Variants in CNOT6 observed in about 807,000 individuals in gnomAD.
CNOT6 encodes CCR4-NOT transcription complex subunit 6, also known as carbon catabolite repression 4 protein.
In CNOT6, 12 loss-of-function variants were observed where a neutral mutation model predicts 61.2. The ratio of observed to expected loss-of-function variants is 0.20; its 90% CI spans 0.13 to 0.32. CNOT6 has a LOEUF of 0.32. Ranked by LOEUF, CNOT6 falls within the 10% of genes least tolerant of loss-of-function variation. The probability of loss-of-function intolerance (pLI) is 1.00; values close to 1 mark genes in which losing one functional copy is unlikely to be tolerated. For missense variants in CNOT6, 405 were observed against 663.9 expected (o/e 0.61, Z 4.28); for synonymous variants, 225 against 240.6 (o/e 0.94, Z 0.60).
At chr5:180,497,439 G>A (rs187573307) in intron 1 of CNOT6, among the ~76,000 whole-genome samples, 49 of 152,146 alleles carry the variant, frequency 3.2e-4, no homozygotes, top group Non-Finnish European at 4.3e-4. Flanking sequence ...AACAGAAAAG[G>A]ATAATATATG....
intron 4 of CNOT6, among the ~76,000 whole-genome samples, chr5:180,556,829 G>T (rs1459336897): frequency 6.6e-6 from 1 of 152,174 alleles, no homozygotes; most frequent in African/African-American, 2.4e-5. Flanking sequence ...GGTGGCAGGT[G>T]CCTGTAGTCC....
At chr5:180,516,587 C>T (rs575304335) in intron 1 of CNOT6, among the ~76,000 whole-genome samples, 4 of 152,256 alleles carry the variant, frequency 2.6e-5, no homozygotes, top group African/African-American at 9.6e-5. Flanking sequence ...AATAGTTAAA[C>T]GTCTGAGAGG....
chr5:180,543,569 T>C (rs1444095166), intron 2 of CNOT6, among the ~76,000 whole-genome samples: 1 of 152,202 alleles, frequency 6.6e-6, no homozygotes. Flanking sequence ...ACAATATATG[T>C]CTTAGCATAC....
At chr5:180,526,255 A>G (rs942673518) in intron 1 of CNOT6, among the ~76,000 whole-genome samples, 10 of 152,192 alleles carry the variant, frequency 6.6e-5, no homozygotes, top group Non-Finnish European at 1.2e-4. Context: ...GGAGCGAGAA[A>G]TGAACTTAAG....
intron 1 of CNOT6, among the ~76,000 whole-genome samples, chr5:180,511,211 C>A (rs1757375195): frequency 2.6e-5 from 4 of 152,106 alleles, no homozygotes; most frequent in Admixed American, 1.3e-4. Flanking sequence ...GGCACAGTGG[C>A]TCGCGCCTGT....
intron 10 of CNOT6, among the ~76,000 whole-genome samples, chr5:180,569,576 G>A (rs1055094150): frequency 6.6e-6 from 1 of 152,138 alleles, no homozygotes; most frequent in African/African-American, 2.4e-5. Context: ...AAGCAATAAC[G>A]TGAAATAACT....
rs184203674 is a variant in CNOT6, at chr5:180,501,243, C to T, written c.-3+6480C>T. ...TTTACGTCCTGTGAGAGCTCAAGTA[C>T]ATCAGCATAGGGGATAGAAAAGCAC... On this transcript the variant is annotated intron_variant, in intron 1 of 11. Coordinates refer to ENST00000261951, the MANE Select transcript of CNOT6 (RefSeq NM_001370472.1). Among the ~76,000 whole-genome samples the T allele has an allele frequency of 5.3e-3, 808 of 152,216 alleles. 10 individuals carry two copies. Among genetic ancestry groups the T allele is most frequent in the African/African-American group, 0.018 (767 of 41,528 alleles).
At chr5:180,538,686 G>GTATATATA (rs59342527) in intron 2 of CNOT6, among the ~76,000 whole-genome samples, 949 of 84,934 alleles carry the variant, frequency 0.011, 14 homozygotes, top group African/African-American at 0.03. Context: ...TGAGAAAAAG[G>GTATATATA]TATATATATA....
intron 4 of CNOT6, among the ~76,000 whole-genome samples, chr5:180,555,416 C>A (rs746550149): frequency 2.0e-5 from 3 of 152,138 alleles, no homozygotes; most frequent in Non-Finnish European, 4.4e-5. Context: ...CTTGCTTTTC[C>A]ATTTCAGATG....
At chr5:180,498,364 T>C (rs567794974) in intron 1 of CNOT6, among the ~76,000 whole-genome samples, 9 of 152,228 alleles carry the variant, frequency 5.9e-5, no homozygotes, top group Non-Finnish European at 1.2e-4. Context: ...TGTATAGGCT[T>C]CATAGGTGCA....
chr5:180,538,684 A>T (rs1758843596), intron 2 of CNOT6, among the ~76,000 whole-genome samples: 1 of 35,602 alleles, frequency 2.8e-5, no homozygotes. Context: ...TCTGAGAAAA[A>T]GGTATATATA....
intron 1 of CNOT6, among the ~76,000 whole-genome samples, chr5:180,514,045 A>G (rs1487123058): frequency 6.6e-6 from 1 of 151,638 alleles, no homozygotes; most frequent in Non-Finnish European, 1.5e-5. Flanking sequence ...TATGTTGCCC[A>G]GGCTGGTTTC....
intron 10 of CNOT6, 71 bp from the exon 11 acceptor site, chr5:180,571,159 T>C (rs1202607769): frequency 2.8e-6 from 3 of 1,066,150 alleles, no homozygotes; most frequent in Non-Finnish European, 2.8e-6. Context: ...TAAAACTTCT[T>C]ACTATTGCAT....
intron 1 of CNOT6, among the ~76,000 whole-genome samples, chr5:180,515,110 G>A (rs894905284): frequency 1.3e-5 from 2 of 152,038 alleles, no homozygotes; most frequent in Non-Finnish European, 2.9e-5. Context: ...AAAGAGATTA[G>A]CATGTATTGA....
chr5:180,497,958 G>A (rs777702184), intron 1 of CNOT6, among the ~76,000 whole-genome samples: 3 of 151,576 alleles, frequency 2.0e-5, no homozygotes, highest in Middle Eastern at 6.8e-3. Flanking sequence ...CAGGAGAATC[G>A]CTTGAACCTG....
Position 180,578,252 on chromosome 5 carries a change from T to C in CNOT6, c.*4052T>C, listed in dbSNP as rs988321060. 1 of 152,676 alleles carries C rather than the reference T, an allele frequency of 6.5e-6. No individual in the cohort carries two copies. Among genetic ancestry groups the C allele is most frequent in the Non-Finnish European group, 1.5e-5 (1 of 68,048 alleles). 9.5% of individuals were successfully genotyped at this position (152,676 alleles called of 1,614,324 possible). A position where few individuals can be genotyped will look rare whatever the true frequency, so the allele number is the denominator to read the frequency against. ...GTCCTTTTGCATTTAGGATTTTCGT[T>C]GTTGTTACCTTATACCTCATGATAT... On this transcript the variant is annotated 3_prime_UTR_variant, in exon 12 of 12. Transcript: ENST00000261951.
intron 11 of CNOT6, among the ~76,000 whole-genome samples, chr5:180,571,810 A>G (rs1223546268): frequency 2.0e-5 from 3 of 151,978 alleles, no homozygotes; most frequent in African/African-American, 7.2e-5. Flanking sequence ...TGATTCTTCC[A>G]CCTCAGCCTC....
At chr5:180,515,518 T>C (rs1037743399) in intron 1 of CNOT6, among the ~76,000 whole-genome samples, 2 of 152,194 alleles carry the variant, frequency 1.3e-5, no homozygotes, top group Admixed American at 6.5e-5. Flanking sequence ...GGCAGGGCCA[T>C]CTAAAGTTTT....
Position 180,546,145 on chromosome 5 carries a change from C to T in CNOT6, c.113-3786C>T, listed in dbSNP as rs370242472. Among the ~76,000 whole-genome samples the T allele has an allele frequency of 1.8e-4, 27 of 152,230 alleles. No individual in the cohort carries two copies. The South Asian group carries it at 3.1e-3, about 18-fold the overall frequency. ...TCCTGACCTCATGATCCACCCGCCT[C>T]GGCCTCCCAAAGTGCTGGGATTACA... On this transcript the variant is annotated intron_variant, in intron 2 of 11. Transcript: ENST00000261951.
Sources: gnomAD v4.1 joint callset for allele counts (sites outside exome capture counted in the v4.1 genomes callset) on GRCh38, gnomAD v4.1.1 for gene constraint, MANE v1.5 for transcripts, NCBI Gene and HGNC (gene_info 2026-07-23, HGNC 2026-07-21) for gene names.